The following CPED1 variants were observed in gnomAD, a reference collection of about 807,000 sequenced individuals.
The protein encoded by CPED1 is cadherin like and PC-esterase domain containing 1.
In CPED1, 114 loss-of-function variants were observed where a neutral mutation model predicts 128.2. The observed-to-expected ratio is 0.89, with a 90% CI of 0.76 to 1.04. The LOEUF (loss-of-function observed/expected upper bound fraction) is 1.04. Ranked by LOEUF, CPED1 falls within the 50% of genes least tolerant of loss-of-function variation. CPED1 has a pLI of 0.00. For synonymous variants in CPED1, 462 were observed against 426.7 expected (o/e 1.08, Z -1.02); for missense variants, 1,211 against 1,207.1 (o/e 1.00, Z -0.05).
At chr7:121,050,041 C>T (rs1372203010) in intron 4 of CPED1, among the ~76,000 whole-genome samples, 1 of 152,212 alleles carries the variant, frequency 6.6e-6, no homozygotes, top group East Asian at 1.9e-4. Flanking sequence ...AAATCTGTTA[C>T]ACTCAGCACC....
intron 16 of CPED1, among the ~76,000 whole-genome samples, chr7:121,158,315 G>A (rs1245957348): frequency 6.6e-6 from 1 of 152,160 alleles, no homozygotes; most frequent in Non-Finnish European, 1.5e-5. Flanking sequence ...TGCACTGACT[G>A]GGAGTCTTTG....
chr7:121,104,647 C>T (rs1707272651), intron 7 of CPED1, among the ~76,000 whole-genome samples: 1 of 152,104 alleles, frequency 6.6e-6, no homozygotes, highest in Admixed American at 6.6e-5. Flanking sequence ...TTTGATCAGC[C>T]ATCCCATATT....
intron 7 of CPED1, among the ~76,000 whole-genome samples, chr7:121,119,347 A>G (rs1795329942): frequency 6.6e-6 from 1 of 150,716 alleles, no homozygotes; most frequent in Admixed American, 6.6e-5. Context: ...CTCTTGCCTT[A>G]GTAGAAACGG....
chr7:121,002,138 A>G (rs1260905821), intron 2 of CPED1, among the ~76,000 whole-genome samples: 1 of 152,182 alleles, frequency 6.6e-6, no homozygotes, highest in Non-Finnish European at 1.5e-5. Context: ...GTGCTGCTAC[A>G]ATTGAGTTTC....
chr7:121,273,965 CAG>C (rs770802339), intron 22 of CPED1, among the ~76,000 whole-genome samples: 3 of 152,128 alleles, frequency 2.0e-5, no homozygotes, highest in Non-Finnish European at 2.9e-5. Flanking sequence ...CCACAGAAAA[CAG>C]GGCTTTTGAA....
intron 4 of CPED1, among the ~76,000 whole-genome samples, chr7:121,055,150 C>T (rs1463203883): frequency 3.3e-5 from 5 of 152,112 alleles, no homozygotes; most frequent in African/African-American, 4.8e-5. Flanking sequence ...TAATGAATAA[C>T]ACTTGCCATA....
At chr7:121,050,858 C>T (rs768968675) in intron 4 of CPED1, 58 of 471,420 alleles carry the variant, frequency 1.2e-4, no homozygotes, top group African/African-American at 9.3e-4. Context: ...CGAAGGCTCT[C>T]GGTACGATGA....
chr7:121,188,510 C>G (rs1205579436), intron 16 of CPED1, among the ~76,000 whole-genome samples: 1 of 152,040 alleles, frequency 6.6e-6, no homozygotes, highest in Non-Finnish European at 1.5e-5. Flanking sequence ...TTTGTTTGAA[C>G]TTTTCTACAA....
chr7:120,995,226 TA>T (rs1294831721), intron 2 of CPED1, among the ~76,000 whole-genome samples: 1 of 152,218 alleles, frequency 6.6e-6, no homozygotes, highest in Non-Finnish European at 1.5e-5. Flanking sequence ...TGGTCATTTC[TA>T]TTGAAACCTC....
intron 7 of CPED1, among the ~76,000 whole-genome samples, chr7:121,117,088 T>TAA (rs1476444123): frequency 2.1e-5 from 3 of 143,478 alleles, no homozygotes; most frequent in African/African-American, 7.7e-5. Context: ...TATATATATA[T>TAA]ATATATATAT....
intron 16 of CPED1, among the ~76,000 whole-genome samples, chr7:121,183,868 A>G (rs999659127): frequency 6.6e-6 from 1 of 152,148 alleles, no homozygotes; most frequent in South Asian, 2.1e-4. Context: ...ACTGTTTTCC[A>G]TACTTCTTTA....
At chr7:121,262,496 A>G (rs966515942) in intron 18 of CPED1, among the ~76,000 whole-genome samples, 1 of 150,304 alleles carries the variant, frequency 6.7e-6, no homozygotes, top group South Asian at 2.1e-4. Flanking sequence ...TCATGGGAGT[A>G]GAATAGATGC....
intron 16 of CPED1, among the ~76,000 whole-genome samples, chr7:121,225,694 T>C (rs895479804): frequency 1.3e-5 from 2 of 152,200 alleles, no homozygotes; most frequent in Non-Finnish European, 1.5e-5. Flanking sequence ...CTCTTTTTTC[T>C]CTAACCTTGT....
chr7:121,162,763 G>A (rs1796439833), intron 16 of CPED1, among the ~76,000 whole-genome samples: 1 of 152,176 alleles, frequency 6.6e-6, no homozygotes. Flanking sequence ...GGAGCCTTCA[G>A]GCAACTGCAG....
chr7:121,260,237 T>C (rs973156908), intron 18 of CPED1, among the ~76,000 whole-genome samples: 2 of 150,230 alleles, frequency 1.3e-5, no homozygotes, highest in East Asian at 3.9e-4. Context: ...TTTTTTTTTT[T>C]TTTTTTTTTT....
chr7:121,232,341 C>T (rs1349867734), intron 16 of CPED1, among the ~76,000 whole-genome samples: 1 of 151,986 alleles, frequency 6.6e-6, no homozygotes, highest in East Asian at 1.9e-4. Context: ...AGTAGCAGAT[C>T]AGTGAAATTG....
intron 16 of CPED1, among the ~76,000 whole-genome samples, chr7:121,227,403 G>A (rs981810683): frequency 2.6e-5 from 4 of 152,056 alleles, no homozygotes; most frequent in Admixed American, 2.0e-4. Context: ...GGCTTACATC[G>A]TGGATGGATT....
chr7:121,120,220 A>G (rs151264061), intron 7 of CPED1, among the ~76,000 whole-genome samples: 172 of 152,274 alleles, frequency 1.1e-3, no homozygotes, highest in African/African-American at 3.9e-3. Flanking sequence ...TTGAGGAACC[A>G]CCAAATTGCT....
At chr7:121,248,029 G>T (rs1023309154) in intron 18 of CPED1, among the ~76,000 whole-genome samples, 1 of 152,194 alleles carries the variant, frequency 6.6e-6, no homozygotes, top group African/African-American at 2.4e-5. Flanking sequence ...TGTTCCTGAT[G>T]GCCTGGGAGC....
Sources: gnomAD v4.1 joint callset for allele counts (sites outside exome capture counted in the v4.1 genomes callset) on GRCh38, gnomAD v4.1.1 for gene constraint, MANE v1.5 for transcripts, NCBI Gene and HGNC (gene_info 2026-07-23, HGNC 2026-07-21) for gene names.